Variants in CWC22 observed in about 807,000 individuals in gnomAD.
CWC22 encodes CWC22 spliceosome associated protein.
A neutral mutation model predicts 117.2 loss-of-function variants in CWC22; 53 were observed. The ratio of observed to expected loss-of-function variants is 0.45; its 90% CI spans 0.36 to 0.57. The LOEUF (loss-of-function observed/expected upper bound fraction) is 0.57. Ranked by LOEUF, CWC22 falls within the 20% of genes least tolerant of loss-of-function variation. The pLI is 0.00. For synonymous variants in CWC22, 360 were observed against 355.6 expected (o/e 1.01, Z -0.14); for missense variants, 980 against 1,068.8 (o/e 0.92, Z 1.16).
chr2:180,004,253 T>C (rs1039212169), intron 1 of CWC22, among the ~76,000 whole-genome samples: 4 of 152,234 alleles, frequency 2.6e-5, no homozygotes, highest in African/African-American at 9.6e-5. Flanking sequence ...TTGAAAATAT[T>C]ATTCAAGTTA....
At chr2:179,997,696 T>G (rs1687742798) in intron 1 of CWC22, among the ~76,000 whole-genome samples, 1 of 152,210 alleles carries the variant, frequency 6.6e-6, no homozygotes, top group Non-Finnish European at 1.5e-5. Context: ...TATACGTACA[T>G]TTGTTCCCCA....
chr2:179,966,959 G>A (rs1038878854), intron 11 of CWC22, among the ~76,000 whole-genome samples: 1 of 152,182 alleles, frequency 6.6e-6, no homozygotes, highest in African/African-American at 2.4e-5. Flanking sequence ...AAAATGAAGA[G>A]TAGTCATGCA....
chr2:179,984,601 A>G (rs749733733), intron 4 of CWC22, among the ~76,000 whole-genome samples: 10 of 152,040 alleles, frequency 6.6e-5, no homozygotes, highest in Non-Finnish European at 1.3e-4. Context: ...AGACATCAAA[A>G]AAAGATATTG....
At chr2:179,982,253 G>C (rs1034378622) in intron 4 of CWC22, among the ~76,000 whole-genome samples, 3 of 152,142 alleles carry the variant, frequency 2.0e-5, no homozygotes, top group Non-Finnish European at 2.9e-5. Flanking sequence ...TAGTAGAAGA[G>C]GGAATAATTA....
At chr2:179,957,394 C>T (rs983405547) in intron 14 of CWC22, among the ~76,000 whole-genome samples, 3 of 152,136 alleles carry the variant, frequency 2.0e-5, no homozygotes, top group Non-Finnish European at 4.4e-5. Context: ...CAAATCTTTT[C>T]TGTAAAGGGC....
chr2:180,003,181 C>T (rs780207730), intron 1 of CWC22, among the ~76,000 whole-genome samples: 1 of 152,178 alleles, frequency 6.6e-6, no homozygotes, highest in Non-Finnish European at 1.5e-5. Context: ...CTTAGTACAT[C>T]AAGACAACAC....
intron 12 of CWC22, among the ~76,000 whole-genome samples, chr2:179,965,088 A>G (rs1347130443): frequency 6.6e-6 from 1 of 152,188 alleles, no homozygotes; most frequent in Non-Finnish European, 1.5e-5. Flanking sequence ...TATTTAATGC[A>G]TGAAAACTTT....
At chr2:179,961,360 A>G (rs913106927) in intron 13 of CWC22, among the ~76,000 whole-genome samples, 2 of 152,012 alleles carry the variant, frequency 1.3e-5, no homozygotes, top group African/African-American at 4.8e-5. Context: ...GTTCATCTAT[A>G]TTCCTCAGCT....
At chr2:179,978,701 A>C (rs1324510237) in intron 5 of CWC22, among the ~76,000 whole-genome samples, 2 of 152,160 alleles carry the variant, frequency 1.3e-5, no homozygotes, top group African/African-American at 4.8e-5. Context: ...GCAATTAAAA[A>C]AATTTAAATG....
At chr2:179,973,826 G>C in intron 6 of CWC22, 24 bp from the exon 7 acceptor site, 1 of 1,430,342 alleles carries the variant, frequency 7.0e-7, no homozygotes, top group Non-Finnish European at 9.3e-7. Context: ...AATTTAAAAA[G>C]GAGTCAACAA....
At chr2:179,976,587 A>G (rs1687157054) in intron 6 of CWC22, among the ~76,000 whole-genome samples, 1 of 141,626 alleles carries the variant, frequency 7.1e-6, no homozygotes. Context: ...CCCAATCTAA[A>G]AAATGAGCAA....
intron 11 of CWC22, among the ~76,000 whole-genome samples, chr2:179,969,815 AG>A (rs1282952366): frequency 2.0e-5 from 3 of 152,166 alleles, no homozygotes; most frequent in African/African-American, 7.2e-5. Flanking sequence ...TAGCTTTAGG[AG>A]GAAAATAATA....
In CWC22 at chr2:179,947,971, G is replaced by A. The variant is rs141608268; in HGVS notation, c.2141-2256C>T. Among the ~76,000 whole-genome samples, 477 of 152,316 alleles carry A rather than the reference G, an allele frequency of 3.1e-3. 3 individuals are homozygous for A. The highest frequency in any genetic ancestry group is 0.011 in the African/African-American group (461 of 41,572). The stretch of plus-strand genomic sequence containing the variant: ...TACTGTAATGAAAGAAAGCAGAGCT[G>A]ACCTTGGGTAAAACAACACAGATCT... On this transcript the variant is annotated intron_variant, in intron 19 of 19. Transcript: ENST00000410053.
chr2:179,947,888 C>T (rs1228123662), intron 19 of CWC22, among the ~76,000 whole-genome samples: 1 of 152,118 alleles, frequency 6.6e-6, no homozygotes, highest in African/African-American at 2.4e-5. Context: ...CCAAACAAAA[C>T]AAAATGAGAA....
intron 13 of CWC22, among the ~76,000 whole-genome samples, chr2:179,962,653 C>T (rs1336232031): frequency 5.3e-5 from 8 of 150,244 alleles, no homozygotes; most frequent in Non-Finnish European, 8.9e-5. Context: ...TTTTTTTTTG[C>T]ACTAAACAAT....
chr2:179,985,058 A>G (rs942792571), intron 4 of CWC22, among the ~76,000 whole-genome samples: 1 of 152,044 alleles, frequency 6.6e-6, no homozygotes, highest in Admixed American at 6.5e-5. Flanking sequence ...TATCATCCTC[A>G]TCTTATAGAT....
intron 19 of CWC22, among the ~76,000 whole-genome samples, chr2:179,946,286 C>T (rs576389304): frequency 1.3e-5 from 2 of 151,520 alleles, no homozygotes; most frequent in African/African-American, 4.8e-5. Context: ...CCCTTCTCTA[C>T]AAAAAATTCA....
intron 7 of CWC22, 107 bp downstream of exon 7, chr2:179,973,527 C>T (rs919470771): frequency 1.2e-5 from 9 of 762,172 alleles, no homozygotes; most frequent in Non-Finnish European, 1.7e-5. Flanking sequence ...TTTTAAAAAG[C>T]ATTATGTTAT....
intron 13 of CWC22, among the ~76,000 whole-genome samples, chr2:179,962,086 G>A (rs1035429913): frequency 5.9e-5 from 9 of 152,030 alleles, no homozygotes; most frequent in Non-Finnish European, 1.0e-4. Context: ...AATAAAATCA[G>A]ACTGGAATAT....
Sources: gnomAD v4.1 joint callset for allele counts (sites outside exome capture counted in the v4.1 genomes callset) on GRCh38, gnomAD v4.1.1 for gene constraint, MANE v1.5 for transcripts, NCBI Gene and HGNC (gene_info 2026-07-23, HGNC 2026-07-21) for gene names.